PLEKHG5: variants seen among roughly 807,000 people sequenced by gnomAD.
PLEKHG5 encodes pleckstrin homology and RhoGEF domain containing G5, also known as pleckstrin homology domain-containing family G member 5.
In PLEKHG5, 52 loss-of-function variants were observed where a neutral mutation model predicts 103.8. That is an observed-to-expected ratio of 0.50 (90% confidence interval 0.40 to 0.63). PLEKHG5 has a LOEUF of 0.63. Among genes scored for constraint, PLEKHG5 ranks in the 30% least tolerant of loss-of-function variants. The probability of loss-of-function intolerance (pLI) is 0.00; values close to 1 mark genes in which losing one functional copy is unlikely to be tolerated. For synonymous variants in PLEKHG5, 592 were observed against 575.5 expected (o/e 1.03, Z -0.41); for missense variants, 1,205 against 1,347.6 (o/e 0.89, Z 1.66).
chr1:6,504,539 T>C (rs1176849395), intron 1 of PLEKHG5, among the ~76,000 whole-genome samples: 1 of 151,046 alleles, frequency 6.6e-6, no homozygotes, highest in East Asian at 2.0e-4. Context: ...TCCTCTCTCC[T>C]GGGAGCAGCA....
intron 1 of PLEKHG5, among the ~76,000 whole-genome samples, chr1:6,481,988 C>T (rs1644914668): frequency 1.3e-5 from 2 of 151,826 alleles, no homozygotes; most frequent in East Asian, 1.9e-4. Context: ...TCCATCCTGG[C>T]TCACTCCCCT....
In PLEKHG5 at chr1:6,490,588, G is replaced by A; in HGVS notation, c.-88+1049C>T. On this transcript the variant is annotated intron_variant, in intron 1 of 20. Coordinates refer to ENST00000377728, the MANE Select transcript of PLEKHG5 (RefSeq NM_020631.6). The surrounding 1 kb of genome is among the most constrained non-coding windows in gnomAD (Gnocchi z 8.0). ...GTCGACTCAGCGCAAACTGGGGCGC[G>A]GGACGTAGGGGAATTACGGTAGCCG... The A allele has an allele frequency of 1.0e-6, 1 of 985,432 alleles. No homozygotes were observed. Among genetic ancestry groups the A allele is most frequent in the Non-Finnish European group, 1.2e-6 (1 of 829,928 alleles). The allele number at this position is 985,432 out of a possible 1,614,324, so 61.0% of individuals were successfully genotyped here.
upstream of PLEKHG5, among the ~76,000 whole-genome samples, chr1:6,495,649 C>T (rs1032098668): frequency 6.6e-6 from 1 of 152,190 alleles, no homozygotes; most frequent in African/African-American, 2.4e-5. Context: ...TCAGTGAGTC[C>T]TGGTGCCTGC....
intron 1 of PLEKHG5, chr1:6,485,555 G>A: frequency 9.1e-7 from 1 of 1,097,658 alleles, no homozygotes; most frequent in Non-Finnish European, 1.1e-6. Flanking sequence ...ACCCCGGGGA[G>A]GGCCGGGCCC....
intron 1 of PLEKHG5, among the ~76,000 whole-genome samples, chr1:6,481,524 AAAAT>A (rs199883420): frequency 0.024 from 3,433 of 144,136 alleles, 62 homozygotes; most frequent in African/African-American, 0.053. Context: ...ACTCCGTCTC[AAAAT>A]AAATAAATAA....
chr1:6,471,073 G>T lies in PLEKHG5; in HGVS notation c.1309C>A (p.Arg437Ser). 1.3e-6 allele frequency: 2 copies of T among 1,594,522 alleles called. No individual in the cohort carries two copies. Among genetic ancestry groups the T allele is most frequent in the East Asian group, 2.3e-5 (1 of 43,390 alleles). ...MFGSLFKPYIRYCMEEEGCME... is the reference protein window; with the variant it reads ...MFGSLFKPYISYCMEEEGCME... ...CAGCCCTCCTCCTCCATGCAGTAGCGGATGTAGGGCTTGAAGAGCGAGCCG... is the reference window on the plus strand; with the variant it reads ...CAGCCCTCCTCCTCCATGCAGTAGCTGATGTAGGGCTTGAAGAGCGAGCCG... The change falls in exon 13 of 21, where the codon CGC (arginine) becomes AGC (serine). Residue 437 changes from arginine (R) to serine (S), a missense_variant. By Grantham distance (110) the Arg-to-Ser change is moderately radical. Coordinates refer to ENST00000377728, the MANE Select transcript of PLEKHG5 (RefSeq NM_020631.6).
At chr1:6,473,484 A>G (rs770387904) in intron 7 of PLEKHG5, 30 bp from the exon 8 acceptor site, 1 of 1,478,886 alleles carries the variant, frequency 6.8e-7, no homozygotes, top group Non-Finnish European at 9.0e-7. Context: ...CAGGGCCGGG[A>G]CCCCCTGCCA....
upstream of PLEKHG5, chr1:6,496,920 G>A (rs1044215662): frequency 1.4e-6 from 2 of 1,478,740 alleles, no homozygotes; most frequent in Non-Finnish European, 1.8e-6. Context: ...GCTGCTGGGG[G>A]GAAGGGGCTC....
At chr1:6,507,589 A>T (rs753117605) in intron 1 of PLEKHG5, among the ~76,000 whole-genome samples, 29 of 152,092 alleles carry the variant, frequency 1.9e-4, no homozygotes, top group Non-Finnish European at 3.5e-4. Flanking sequence ...GCCCAGGCAG[A>T]GGGAGCTGGC....
chr1:6,497,341 G>A (rs917899038), upstream of PLEKHG5: 407 of 1,029,956 alleles, frequency 4.0e-4, no homozygotes, highest in Non-Finnish European at 4.8e-4. This position sits in a 1 kb window ranked among gnomAD's most constrained non-coding sequence, Gnocchi z 6.1. Context: ...GCCCCGTGCC[G>A]CGCGGGGGGC....
chr1:6,514,109 C>T (rs1477390086), intron 1 of PLEKHG5, among the ~76,000 whole-genome samples: 1 of 152,104 alleles, frequency 6.6e-6, no homozygotes, highest in Non-Finnish European at 1.5e-5. Context: ...GACTCCTTGA[C>T]CCTAGAGTTC....
At chr1:6,474,361 A>G in intron 6 of PLEKHG5, 90 bp downstream of exon 6, 1 of 1,515,336 alleles carries the variant, frequency 6.6e-7, no homozygotes, top group Non-Finnish European at 9.1e-7. Flanking sequence ...CAGGCCCACG[A>G]CCAATGGGAA....
At chr1:6,485,675 C>T (rs1645017754) in intron 1 of PLEKHG5, among the ~76,000 whole-genome samples, 1 of 149,892 alleles carries the variant, frequency 6.7e-6, no homozygotes, top group African/African-American at 2.5e-5. Context: ...TACACCCCCG[C>T]CTCCGCCTGC....
At chr1:6,480,084 C>CCCT (rs3054070) in intron 1 of PLEKHG5, among the ~76,000 whole-genome samples, 25,395 of 152,004 alleles carry the variant, frequency 0.17, 2,364 homozygotes, top group East Asian at 0.27. Context: ...ACCTCTGTAC[C>CCCT]TTGTAGAGTC....
chr1:6,479,733 C>T (rs1644855255), intron 1 of PLEKHG5, among the ~76,000 whole-genome samples: 1 of 152,142 alleles, frequency 6.6e-6, no homozygotes, highest in Non-Finnish European at 1.5e-5. Flanking sequence ...GCCTTAGCCT[C>T]CTTAGTAGCT....
At chr1:6,494,719 C>T (rs1363286029), upstream of PLEKHG5, among the ~76,000 whole-genome samples, 2 of 152,248 alleles carry the variant, frequency 1.3e-5, no homozygotes, top group Non-Finnish European at 2.9e-5. Flanking sequence ...ATTAAAGGCC[C>T]CCTCCTCCAG....
intron 1 of PLEKHG5, among the ~76,000 whole-genome samples, chr1:6,516,915 C>CAT: frequency 2.1e-5 from 3 of 140,306 alleles, no homozygotes; most frequent in Non-Finnish European, 4.6e-5. Flanking sequence ...TACACACACA[C>CAT]ACACACACAC....
chr1:6,467,535 A>C lies in PLEKHG5; in HGVS notation c.*28T>G. 2 of 1,612,046 alleles carry C rather than the reference A, an allele frequency of 1.2e-6. No individual in the cohort carries two copies. Among genetic ancestry groups the C allele is most frequent in the Non-Finnish European group, 1.7e-6 (2 of 1,178,532 alleles). ...GCAGGCTGTCTGCTGTCTCTTGGTC[A>C]ATGGCACTCTTGGGGGCCTCCCTCT... On this transcript the variant is annotated 3_prime_UTR_variant, in exon 21 of 21. Coordinates refer to ENST00000377728, the MANE Select transcript of PLEKHG5 (RefSeq NM_020631.6).
chr1:6,468,007 G>A lies in PLEKHG5; in HGVS notation c.2829C>T (p.Gly943=). ...PSPGSGPGLV[G]CLAGEPAGSH... ...AGCCTGCAGGTTCCCCGGCCAGGCA[G>A]CCGACTAGCCCAGGACCGCTGCCAG... is the stretch of plus-strand genomic sequence containing the variant. The change falls in exon 20 of 21, where the codon GGC becomes GGT. Residue 943 remains glycine (G), a synonymous_variant. Transcript: ENST00000377728. 6.4e-7 allele frequency: 1 copy of A among 1,553,420 alleles called. No homozygotes were observed.
Sources: allele counts gnomAD v4.1 joint callset (sites outside exome capture counted in the v4.1 genomes callset), GRCh38; gene constraint gnomAD v4.1.1; non-coding constraint Gnocchi (gnomAD v3.1); transcripts MANE v1.5; gene names NCBI Gene and HGNC (gene_info 2026-07-23, HGNC 2026-07-21).